DIDO1: variants seen among roughly 807,000 people sequenced by gnomAD.
The protein encoded by DIDO1 is death inducer-obliterator 1.
A neutral mutation model predicts 99.4 loss-of-function variants in DIDO1; 16 were observed. That is an observed-to-expected ratio of 0.16 (90% confidence interval 0.11 to 0.24). DIDO1 has a LOEUF of 0.24. Ranked by LOEUF, DIDO1 falls within the 10% of genes least tolerant of loss-of-function variation. The probability of loss-of-function intolerance (pLI) is 1.00; values close to 1 mark genes in which losing one functional copy is unlikely to be tolerated. For missense variants in DIDO1, 2,996 were observed against 3,014.0 expected, an observed-to-expected ratio of 0.99 and a Z score of 0.14; for synonymous variants, 1,366 against 1,239.1, an observed-to-expected ratio of 1.10 and a Z score of -2.15.
chr20:62,912,517 T>G (rs1319675589), intron 2 of DIDO1, among the ~76,000 whole-genome samples: 3 of 152,134 alleles, frequency 2.0e-5, no homozygotes, highest in Non-Finnish European at 4.4e-5. Flanking sequence ...TTTTTCTGTA[T>G]TATTTTTCAC....
intron 6 of DIDO1, chr20:62,904,941 A>G (rs777641596): frequency 3.2e-6 from 3 of 951,572 alleles, no homozygotes; most frequent in Admixed American, 6.2e-5. Flanking sequence ...AATTGAGACT[A>G]TTTAACCTTT....
At chr20:62,930,629 C>T (rs2065324039), upstream of DIDO1, among the ~76,000 whole-genome samples, 1 of 152,206 alleles carries the variant, frequency 6.6e-6, no homozygotes, top group South Asian at 2.1e-4. Flanking sequence ...GGGAGGAGGG[C>T]ATCACCCCCT....
At chr20:62,937,465 C>T (rs6011489) in intron 1 of DIDO1, among the ~76,000 whole-genome samples, 56,657 of 152,204 alleles carry the variant, frequency 0.37, 12,356 homozygotes, top group African/African-American at 0.61. Context: ...TCCCGCGCGC[C>T]CTGGCCGCGT....
intron 1 of DIDO1, among the ~76,000 whole-genome samples, chr20:62,917,572 C>A (rs1268322634): frequency 1.3e-5 from 2 of 152,266 alleles, no homozygotes; most frequent in East Asian, 3.9e-4. Flanking sequence ...ACAGCGTTTC[C>A]GAGACCACTC....
chr20:62,890,043 G>A (rs978118374), intron 15 of DIDO1: 5 of 985,234 alleles, frequency 5.1e-6, no homozygotes, highest in Non-Finnish European at 6.0e-6. Context: ...CGGCATGAGG[G>A]GTGTGGGTGG....
At chr20:62,933,005 G>C (rs1237965126) in intron 1 of DIDO1, among the ~76,000 whole-genome samples, 1 of 152,198 alleles carries the variant, frequency 6.6e-6, no homozygotes, top group Non-Finnish European at 1.5e-5. Context: ...CTGAGGTCTG[G>C]AGTTCGAGAC....
intron 15 of DIDO1, among the ~76,000 whole-genome samples, chr20:62,885,949 C>T (rs2064290383): frequency 2.0e-5 from 3 of 152,328 alleles, no homozygotes; most frequent in South Asian, 4.1e-4. Context: ...GGGGGGCAGT[C>T]GAGGTTGCCC....
At chr20:62,920,308 T>C (rs1041172701) in intron 1 of DIDO1, among the ~76,000 whole-genome samples, 1 of 152,136 alleles carries the variant, frequency 6.6e-6, no homozygotes, top group Non-Finnish European at 1.5e-5. Context: ...TATGTTCTCC[T>C]CGGTCCACAC....
intron 2 of DIDO1, among the ~76,000 whole-genome samples, chr20:62,913,094 T>C (rs1461861960): frequency 6.6e-6 from 1 of 152,236 alleles, no homozygotes; most frequent in African/African-American, 2.4e-5. Context: ...TGTGTTGTTC[T>C]TTTTGCTTCC....
intron 3 of DIDO1, among the ~76,000 whole-genome samples, chr20:62,910,236 A>G (rs1467281557): frequency 6.6e-6 from 1 of 152,190 alleles, no homozygotes; most frequent in Non-Finnish European, 1.5e-5. Context: ...GCAAACTCTA[A>G]GGCATTCCAC....
chr20:62,913,255 G>A (rs1453417704), intron 2 of DIDO1, among the ~76,000 whole-genome samples: 1 of 151,934 alleles, frequency 6.6e-6, no homozygotes, highest in East Asian at 1.9e-4. Flanking sequence ...CTCACCTGAA[G>A]TGACCCCATT....
At chr20:62,935,868 G>A (rs752614704) in intron 1 of DIDO1, among the ~76,000 whole-genome samples, 10 of 152,218 alleles carry the variant, frequency 6.6e-5, no homozygotes, top group Non-Finnish European at 1.2e-4. Context: ...AATCCAAAAA[G>A]CAAAGATGAT....
chr20:62,895,435 C>T (rs956660043), intron 8 of DIDO1, among the ~76,000 whole-genome samples: 3 of 148,082 alleles, frequency 2.0e-5, no homozygotes, highest in African/African-American at 7.7e-5. Context: ...GTGGGTTTCA[C>T]GGCCTGTGCT....
chr20:62,918,859 C>CT (rs1458919841), intron 1 of DIDO1, among the ~76,000 whole-genome samples: 1 of 152,138 alleles, frequency 6.6e-6, no homozygotes, highest in Non-Finnish European at 1.5e-5. Flanking sequence ...TGAGAAGACA[C>CT]TAGGTAAAAG....
rs2064793520 is a variant in DIDO1, at chr20:62,905,974, T to C, written c.1501A>G (p.Ser501Gly). 6.2e-7 allele frequency: 1 copy of C among 1,614,116 alleles called. No homozygotes were observed. The highest frequency in any genetic ancestry group is 8.5e-7 in the Non-Finnish European group (1 of 1,180,030). ...TGATCGCTCGCCCACGACGGCGTGC[T>C]GCTCTCACAAGCTGCTTCCTTCCCG... Reference protein sequence around the residue: ...ALGKEAACESSTPSWASDHNY... With the variant: ...ALGKEAACESGTPSWASDHNY... Residue 501 changes from serine (S) to glycine (G), a missense_variant, in exon 6 of 16, where the codon AGC becomes GGC. Ser to Gly is a moderately conservative substitution (Grantham distance 56, BLOSUM62 0). This residue lies in a region of DIDO1 where 898 missense variants were observed against 972.7 expected (regional missense o/e 0.92). Coordinates refer to ENST00000395343, the MANE Select transcript of DIDO1 (RefSeq NM_001193369.2).
At chr20:62,934,056 CCT>C (rs1348528964) in intron 1 of DIDO1, among the ~76,000 whole-genome samples, 2 of 152,208 alleles carry the variant, frequency 1.3e-5, no homozygotes, top group South Asian at 4.1e-4. Flanking sequence ...CACATGCCCA[CCT>C]CTGTCATAGG....
In DIDO1 at chr20:62,894,310, C is replaced by T. The variant is rs535802728; in HGVS notation, c.2572+103G>A. The T allele has an allele frequency of 4.3e-4, 678 of 1,573,992 alleles. 1 individual carries two copies. The highest frequency in any genetic ancestry group is 5.3e-4 in the Non-Finnish European group (620 of 1,159,668). ...GCAGGAAATCATTCTGGCCCTTCTG[C>T]GTGTTTAAGCTTACGTGCGGTTGCT... On this transcript the variant is annotated intron_variant, in intron 11 of 15. Coordinates refer to ENST00000395343, the MANE Select transcript of DIDO1 (RefSeq NM_001193369.2). The surrounding 1 kb of genome is among the most constrained non-coding windows in gnomAD (Gnocchi z 4.4).
chr20:62,893,542 T>C (rs2064443535), intron 12 of DIDO1, 124 bp downstream of exon 12: 2 of 1,189,760 alleles, frequency 1.7e-6, no homozygotes. Context: ...TTTTAAAAGA[T>C]GAAAGAGTGA....
At chr20:62,928,410 C>T (rs1034411237), upstream of DIDO1, among the ~76,000 whole-genome samples, 1 of 152,192 alleles carries the variant, frequency 6.6e-6, no homozygotes, top group African/African-American at 2.4e-5. Context: ...CTCTCGTTCT[C>T]ATCTCCCCCG....
Sources: gnomAD v4.1 joint callset for allele counts (sites outside exome capture counted in the v4.1 genomes callset) on GRCh38, gnomAD v4.1.1 for gene constraint, gnomAD v4.1.1 regional missense constraint, Gnocchi (gnomAD v3.1) non-coding constraint, MANE v1.5 for transcripts, NCBI Gene and HGNC (gene_info 2026-07-23, HGNC 2026-07-21) for gene names.